Variants in ABCD3 observed in about 807,000 individuals in gnomAD.
The protein encoded by ABCD3 is ATP-binding cassette sub-family D member 3.
A neutral mutation model predicts 105.5 loss-of-function variants in ABCD3; 41 were observed. The ratio of observed to expected loss-of-function variants is 0.39; its 90% CI spans 0.30 to 0.50. The LOEUF (loss-of-function observed/expected upper bound fraction) is 0.50. Among genes scored for constraint, ABCD3 ranks in the 20% least tolerant of loss-of-function variants. The pLI, the probability that ABCD3 is intolerant of heterozygous loss-of-function variation, is 0.84. For missense variants in ABCD3, 622 were observed against 806.3 expected (o/e 0.77, Z 2.77); for synonymous variants, 258 against 269.0 (o/e 0.96, Z 0.40).
At chr1:94,391,444 T>C in the ABCD3 span, among the ~76,000 whole-genome samples, 1 of 152,202 alleles carries the variant, frequency 6.6e-6, no homozygotes, top group East Asian at 1.9e-4. Context: ...ACTCTAGCCT[T>C]GCAGTAGCTG....
chr1:94,492,848 C>T (rs1649599206), intron 16 of ABCD3, among the ~76,000 whole-genome samples: 3 of 152,112 alleles, frequency 2.0e-5, no homozygotes. Flanking sequence ...GATTATGGTC[C>T]ATAATAATAT....
chr1:94,394,333 G>A, the ABCD3 span, among the ~76,000 whole-genome samples: 1 of 152,168 alleles, frequency 6.6e-6, no homozygotes, highest in Non-Finnish European at 1.5e-5. Context: ...ACATAGCCCT[G>A]TAATAAAACA....
chr1:94,478,866 G>A lies in ABCD3; in HGVS notation c.684+551G>A. 1.2e-5 allele frequency: 3 copies of A among 250,630 alleles called. No individual in the cohort carries two copies. In the Admixed American group the frequency reaches 1.7e-4, roughly 14 times the overall value. 15.5% of individuals were successfully genotyped at this position (250,630 alleles called of 1,614,324 possible). Reference sequence around the variant, plus strand: ...AGAATATTTTATAATGTAAATGGTTGGCTATCCCATGAGCCTTATTATCCA... The same window carrying A: ...AGAATATTTTATAATGTAAATGGTTAGCTATCCCATGAGCCTTATTATCCA... On this transcript the variant is annotated intron_variant, in intron 8 of 22. Coordinates refer to ENST00000370214, the MANE Select transcript of ABCD3 (RefSeq NM_002858.4).
At chr1:94,455,586 A>G (rs190083783) in intron 1 of ABCD3, 434 of 280,958 alleles carry the variant, frequency 1.5e-3, no homozygotes, top group African/African-American at 9.4e-3. Flanking sequence ...TAACCTCCCA[A>G]AGTGCTGGGA....
At chr1:94,485,800 A>AT (rs1306733793) in intron 10 of ABCD3, among the ~76,000 whole-genome samples, 1 of 152,070 alleles carries the variant, frequency 6.6e-6, no homozygotes, top group Non-Finnish European at 1.5e-5. Context: ...ATGTACACAT[A>AT]TTTTTTTCTT....
chr1:94,474,688 C>G (rs996600069), intron 5 of ABCD3, among the ~76,000 whole-genome samples: 1 of 149,514 alleles, frequency 6.7e-6, no homozygotes, highest in Non-Finnish European at 1.5e-5. Context: ...TAGAAATAAT[C>G]TGGAAAATAG....
chr1:94,475,087 A>G (rs1393495941), intron 5 of ABCD3, 56 bp from the exon 6 acceptor site: 1 of 1,071,210 alleles, frequency 9.3e-7, no homozygotes, highest in Non-Finnish European at 1.4e-6. Context: ...AATAAATTAT[A>G]GTTTAGTAAG....
intron 20 of ABCD3, 106 bp from the exon 21 acceptor site, chr1:94,506,432 C>G (rs1650354490): frequency 1.4e-6 from 1 of 692,550 alleles, no homozygotes; most frequent in Non-Finnish European, 2.6e-6. Context: ...AATTTTTATA[C>G]TTTTGATTTA....
At chr1:94,456,498 G>A in intron 1 of ABCD3, among the ~76,000 whole-genome samples, 1 of 151,004 alleles carries the variant, frequency 6.6e-6, no homozygotes. Context: ...GGCTGGTCTT[G>A]AACTCCTGAG....
At chr1:94,501,284 A>AC (rs1382058813) in intron 20 of ABCD3, among the ~76,000 whole-genome samples, 1 of 150,650 alleles carries the variant, frequency 6.6e-6, no homozygotes, top group African/African-American at 2.4e-5. Flanking sequence ...AAAAAAAAAA[A>AC]CACATGATCC....
chr1:94,439,385 T>C (rs1439322971), intron 1 of ABCD3, among the ~76,000 whole-genome samples: 1 of 152,086 alleles, frequency 6.6e-6, no homozygotes, highest in Non-Finnish European at 1.5e-5. Context: ...CTCATACCTA[T>C]AATCCCAGCA....
intron 1 of ABCD3, among the ~76,000 whole-genome samples, chr1:94,446,834 C>T (rs529321362): frequency 2.0e-4 from 31 of 152,246 alleles, no homozygotes; most frequent in African/African-American, 7.5e-4. Flanking sequence ...TTATGAAGGA[C>T]CTGATGGACA....
intron 10 of ABCD3, among the ~76,000 whole-genome samples, chr1:94,485,179 G>A (rs1649224619): frequency 6.6e-6 from 1 of 152,092 alleles, no homozygotes; most frequent in African/African-American, 2.4e-5. Context: ...CTTTACTTCA[G>A]TTTTTATTTA....
the ABCD3 span, among the ~76,000 whole-genome samples, chr1:94,394,958 C>G: frequency 1.3e-5 from 2 of 152,158 alleles, no homozygotes; most frequent in Non-Finnish European, 2.9e-5. Context: ...TAGATACTTT[C>G]TGATTTCCCA....
At chr1:94,427,387 G>A (rs540818874) in intron 1 of ABCD3, among the ~76,000 whole-genome samples, 1 of 152,238 alleles carries the variant, frequency 6.6e-6, no homozygotes, top group South Asian at 2.1e-4. Context: ...TCAAAGAAAA[G>A]AATGACCTTA....
chr1:94,442,469 A>G (rs1219623180), intron 1 of ABCD3, among the ~76,000 whole-genome samples: 1 of 152,230 alleles, frequency 6.6e-6, no homozygotes, highest in Non-Finnish European at 1.5e-5. Context: ...TAGTCTTTAC[A>G]TTAAAAAAAT....
intron 16 of ABCD3, among the ~76,000 whole-genome samples, chr1:94,491,910 T>G (rs950468722): frequency 6.6e-6 from 1 of 152,130 alleles, no homozygotes; most frequent in African/African-American, 2.4e-5. Flanking sequence ...TCCAGAAATC[T>G]TCATAATTAG....
intron 1 of ABCD3, among the ~76,000 whole-genome samples, chr1:94,446,743 G>C (rs575073294): frequency 4.6e-5 from 7 of 152,148 alleles, no homozygotes; most frequent in African/African-American, 1.2e-4. Flanking sequence ...GGCTGTCTGC[G>C]TGGCCAATTC....
Position 94,462,749 on chromosome 1 carries a change from C to T in ABCD3, c.148-2026C>T, listed in dbSNP as rs17111561. ...CTCTGTTTAACTCAGATGTCCATTT[C>T]ACCTCAGGATTGTGCCACTTAAAGT... On this transcript the variant is annotated intron_variant, in intron 2 of 22. Coordinates refer to ENST00000370214, the MANE Select transcript of ABCD3 (RefSeq NM_002858.4). 4.7e-3 allele frequency among the ~76,000 whole-genome samples: 709 copies of T among 152,262 alleles called. 8 individuals carry two copies. Among genetic ancestry groups the T allele is most frequent in the African/African-American group, 0.016 (671 of 41,560 alleles).
Sources: gnomAD v4.1 joint callset for allele counts (sites outside exome capture counted in the v4.1 genomes callset) on GRCh38, gnomAD v4.1.1 for gene constraint, MANE v1.5 for transcripts, NCBI Gene and HGNC (gene_info 2026-07-23, HGNC 2026-07-21) for gene names.